Variants in TERT observed in about 807,000 individuals in gnomAD.
The protein encoded by TERT is telomerase reverse transcriptase.
TERT carries 42 observed loss-of-function variants against 104.0 expected under a neutral mutation model. The observed-to-expected ratio is 0.40, with a 90% CI of 0.32 to 0.52. The LOEUF is 0.52. Ranked by LOEUF, TERT falls within the 20% of genes least tolerant of loss-of-function variation. TERT has a pLI of 0.43. For synonymous variants in TERT, 781 were observed against 725.6 expected (o/e 1.08, Z -1.23); for missense variants, 1,101 against 1,610.3 (o/e 0.68, Z 5.41).
chr5:1,271,317 C>A (rs890863218), intron 7 of TERT, 113 bp from the exon 8 acceptor site: 1 of 779,934 alleles, frequency 1.3e-6, no homozygotes, highest in African/African-American at 1.7e-5. Flanking sequence ...TGATGAAGTG[C>A]GGGGCTGGGC....
At position 1,262,540 on chromosome 5, in the gene TERT, CCT is replaced by C. The variant is rs1231180067; in HGVS notation, c.2843+1862_2843+1863del. On this transcript the variant is annotated intron_variant, in intron 11 of 15. Coordinates refer to ENST00000310581, the MANE Select transcript of TERT (RefSeq NM_198253.3). This position sits in a 1 kb window ranked among gnomAD's most constrained non-coding sequence, Gnocchi z 5.6. Reference sequence around the variant, plus strand: ...TCAGACACAGAGGATGTGAGTTCACCCTGAGTATGGCGAACCACTGCCTCCAC... The same window carrying C: ...TCAGACACAGAGGATGTGAGTTCACCGAGTATGGCGAACCACTGCCTCCAC... Among the ~76,000 whole-genome samples, 1 of 152,196 alleles carries C rather than the reference CCT, an allele frequency of 6.6e-6. No individual in the cohort carries two copies. Among genetic ancestry groups the C allele is most frequent in the East Asian group, 1.9e-4 (1 of 5,200 alleles).
intron 15 of TERT, 141 bp downstream of exon 15, chr5:1,254,227 G>T: frequency 8.9e-7 from 1 of 1,121,558 alleles, no homozygotes; most frequent in Non-Finnish European, 1.3e-6. Context: ...ACATAGGGCT[G>T]CCAGCGTGGC....
rs112271776 is a variant in TERT, at chr5:1,265,404, G to A, written c.2655-812C>T. 5.3e-5 allele frequency among the ~76,000 whole-genome samples: 8 copies of A among 152,282 alleles called. No homozygotes were observed. Among genetic ancestry groups the A allele is most frequent in the South Asian group, 4.1e-4 (2 of 4,824 alleles). Reference sequence around the variant, plus strand: ...TCATCAGAGACAGAGTTCTGCCCCCGGTGGGACCCCAACATACACTCTGAG... The same window carrying A: ...TCATCAGAGACAGAGTTCTGCCCCCAGTGGGACCCCAACATACACTCTGAG... On this transcript the variant is annotated intron_variant, in intron 10 of 15. Coordinates refer to ENST00000310581, the MANE Select transcript of TERT (RefSeq NM_198253.3). This position sits in a 1 kb window ranked among gnomAD's most constrained non-coding sequence, Gnocchi z 6.9.
chr5:1,293,281 G>T, intron 2 of TERT, 32 bp downstream of exon 2: 1 of 1,610,312 alleles, frequency 6.2e-7, no homozygotes, highest in Non-Finnish European at 8.5e-7. Context: ...CAGCTCTGGG[G>T]CCTGGGCCCT....
In TERT at chr5:1,257,604, T is replaced by C. The variant is rs1046922569; in HGVS notation, c.3032+994A>G. 1.3e-5 allele frequency among the ~76,000 whole-genome samples: 2 copies of C among 152,154 alleles called. No homozygotes were observed. Among genetic ancestry groups the C allele is most frequent in the Non-Finnish European group, 2.9e-5 (2 of 68,024 alleles). On this transcript the variant is annotated intron_variant, in intron 13 of 15. Coordinates refer to ENST00000310581, the MANE Select transcript of TERT (RefSeq NM_198253.3). This position sits in a 1 kb window ranked among gnomAD's most constrained non-coding sequence, Gnocchi z 5.6. ...CAGCCTGGTCCCAAGCCTCTGGAGC[T>C]GGTGCAAAGGCGGTAACATGCAGCT...
At chr5:1,258,155 C>T (rs1361920881) in intron 13 of TERT, among the ~76,000 whole-genome samples, 1 of 152,246 alleles carries the variant, frequency 6.6e-6, no homozygotes. Context: ...TCTGCTGCAC[C>T]TTCCCGGGGG....
At chr5:1,284,595 C>T (rs1403551753) in intron 2 of TERT, among the ~76,000 whole-genome samples, 5 of 147,026 alleles carry the variant, frequency 3.4e-5, no homozygotes, top group Admixed American at 6.8e-5. Flanking sequence ...ACCATCTGGA[C>T]ACTGCACATC....
At chr5:1,285,203 C>T (rs1031644758) in intron 2 of TERT, among the ~76,000 whole-genome samples, 1 of 147,084 alleles carries the variant, frequency 6.8e-6, no homozygotes, top group Non-Finnish European at 1.5e-5. Flanking sequence ...CTGACCTGCA[C>T]CATCCAGACA....
At position 1,294,863 on chromosome 5, in the gene TERT, C is replaced by G; in HGVS notation, c.127G>C (p.Asp43His). The part of the protein sequence containing the change: ...PQGWRLVQRG[D>H]PAAFRALVAQ... ...ACCAGCGCGCGGAAAGCCGCCGGGTCCCCGCGCTGCACCAGCCGCCAGCCC... is the reference window on the plus strand; with the variant it reads ...ACCAGCGCGCGGAAAGCCGCCGGGTGCCCGCGCTGCACCAGCCGCCAGCCC... The change falls in exon 1 of 16, where the codon GAC becomes CAC. Residue 43 changes from aspartate (D) to histidine (H), a missense_variant. This residue lies in a region of TERT where 87 missense variants were observed against 145.4 expected (regional missense o/e 0.60). Coordinates refer to ENST00000310581, the MANE Select transcript of TERT (RefSeq NM_198253.3). 6.9e-7 allele frequency: 1 copy of G among 1,456,846 alleles called. No individual in the cohort carries two copies. Among genetic ancestry groups the G allele is most frequent in the Non-Finnish European group, 9.0e-7 (1 of 1,112,842 alleles). 90.2% of individuals were successfully genotyped at this position (1,456,846 alleles called of 1,614,324 possible).
rs985214725 is a variant in TERT at position 1,292,224 on chromosome 5, C to A, written c.1573+1089G>T. 2.0e-5 allele frequency among the ~76,000 whole-genome samples: 3 copies of A among 152,040 alleles called. No individual in the cohort carries two copies. Among genetic ancestry groups the A allele is most frequent in the African/African-American group, 7.2e-5 (3 of 41,394 alleles). ...GGAGTTTGTGGGGAGGGGGTGAAAT[C>A]GGGACTTCTTCTAGCTGCCACGGTA... is the stretch of plus-strand genomic sequence containing the variant. On this transcript the variant is annotated intron_variant, in intron 2 of 15. Coordinates refer to ENST00000310581, the MANE Select transcript of TERT (RefSeq NM_198253.3). This position sits in a 1 kb window ranked among gnomAD's most constrained non-coding sequence, Gnocchi z 5.5.
intron 2 of TERT, among the ~76,000 whole-genome samples, chr5:1,284,141 C>A (rs1253176226): frequency 1.1e-3 from 106 of 95,262 alleles, no homozygotes; most frequent in Middle Eastern, 0.02. Flanking sequence ...GAGGGCCTGG[C>A]GACCACACCC....
intron 7 of TERT, among the ~76,000 whole-genome samples, chr5:1,271,948 T>C (rs1749067212): frequency 6.6e-6 from 1 of 152,198 alleles, no homozygotes; most frequent in Non-Finnish European, 1.5e-5. Context: ...ACTGCGGAAC[T>C]GGAGAGAGGC....
At chr5:1,280,058 C>T (rs1343194970) in intron 4 of TERT, 100 bp downstream of exon 4, 1 of 1,466,568 alleles carries the variant, frequency 6.8e-7, no homozygotes, top group Admixed American at 1.7e-5. Flanking sequence ...CTGGCTGTGT[C>T]CCGTGGCCCC....
At chr5:1,258,736 C>A in intron 12 of TERT, 77 bp from the exon 13 acceptor site, 1 of 1,191,450 alleles carries the variant, frequency 8.4e-7, no homozygotes, top group Admixed American at 2.0e-5. Context: ...GCTTTATCAT[C>A]CATTCAGATG....
chr5:1,259,283 G>GGATGCCCACAGGAGAGGGAGTGGACGCA (rs1748004746), intron 12 of TERT, among the ~76,000 whole-genome samples: 1 of 118,676 alleles, frequency 8.4e-6, no homozygotes, highest in African/African-American at 3.3e-5. Flanking sequence ...GAGTGGACGC[G>GGATGCCCACAGGAGAGGGAGTGGACGCA]GATGCCCACA....
At chr5:1,267,026 G>C (rs1046045288) in intron 9 of TERT, among the ~76,000 whole-genome samples, 1 of 152,244 alleles carries the variant, frequency 6.6e-6, no homozygotes, top group African/African-American at 2.4e-5. Context: ...ATGGGCCAGA[G>C]GTATCCTGTC....
At chr5:1,267,359 C>T (rs1259749160) in intron 9 of TERT, among the ~76,000 whole-genome samples, 1 of 152,210 alleles carries the variant, frequency 6.6e-6, no homozygotes, top group Non-Finnish European at 1.5e-5. Context: ...TCCTCTCCAG[C>T]ACCAGAACAC....
At position 1,293,863 on chromosome 5, in the gene TERT, C is replaced by T. The variant is rs2126686315; in HGVS notation, c.1023G>A (p.Leu341=). 6.5e-7 allele frequency: 1 copy of T among 1,546,138 alleles called. No individual in the cohort carries two copies. Among genetic ancestry groups the T allele is most frequent in the Non-Finnish European group, 8.7e-7 (1 of 1,146,982 alleles). ...GAGAGCTGAGTAGGAAGGAGGGCCG[C>T]AGCTGCTCCTTGTCGCCTGAGGAGT... is the stretch of plus-strand genomic sequence containing the variant. The part of the protein sequence containing the change: ...FLYSSGDKEQ[L]RPSFLLSSLR... The change falls in exon 2 of 16, where the codon CTG becomes CTA. Residue 341 remains leucine, a synonymous_variant. Transcript: ENST00000310581.
chr5:1,284,289 A>G (rs1232244881), intron 2 of TERT, among the ~76,000 whole-genome samples: 1 of 56,988 alleles, frequency 1.8e-5, no homozygotes, highest in African/African-American at 7.7e-5. Context: ...TGCACCATCC[A>G]GACGCCGCAC....
Sources: gnomAD v4.1 joint callset for allele counts (sites outside exome capture counted in the v4.1 genomes callset) on GRCh38, gnomAD v4.1.1 for gene constraint, gnomAD v4.1.1 regional missense constraint, Gnocchi (gnomAD v3.1) non-coding constraint, MANE v1.5 for transcripts, NCBI Gene and HGNC (gene_info 2026-07-23, HGNC 2026-07-21) for gene names.